The following UNC50 variants were observed in gnomAD, a reference collection of about 807,000 sequenced individuals.
UNC50 encodes unc-50 inner nuclear membrane RNA binding protein.
In UNC50, 24 loss-of-function variants were observed where a neutral mutation model predicts 31.5. The ratio of observed to expected loss-of-function variants is 0.76; its 90% CI spans 0.55 to 1.07. The LOEUF is 1.07. UNC50 is among the 50% of genes least tolerant of loss of function. The pLI, the probability that UNC50 is intolerant of heterozygous loss-of-function variation, is 0.00. For synonymous variants in UNC50, 118 were observed against 114.7 expected (o/e 1.03, Z -0.18); for missense variants, 245 against 304.2 (o/e 0.81, Z 1.45).
intron 1 of UNC50, chr2:98,609,080 G>C (rs1319056343): frequency 1.3e-5 from 2 of 155,216 alleles, no homozygotes; most frequent in Non-Finnish European, 2.9e-5. Flanking sequence ...GGGAGCAGCT[G>C]GGCTCGGCCA....
intron 1 of UNC50, chr2:98,609,381 GC>G: frequency 3.2e-6 from 1 of 308,306 alleles, no homozygotes; most frequent in East Asian, 7.2e-5. Context: ...GCTTTCTTAG[GC>G]ATTTTCTTAA....
rs531466584 is a variant in UNC50, at chr2:98,608,951, C to A, written c.-5+225C>A. On this transcript the variant is annotated intron_variant, in intron 1 of 5. Transcript: ENST00000357765. ...TAGTATAAGCATGTCCGAAATGTTG[C>A]GTGGGATGTAGGCATACTAAAACCT... is the stretch of plus-strand genomic sequence containing the variant. 5.4e-4 allele frequency: 104 copies of A among 192,160 alleles called. 2 individuals are homozygous for A. The highest frequency in any genetic ancestry group is 2.5e-4 in the South Asian group (3 of 12,036). 11.9% of individuals were successfully genotyped at this position (192,160 alleles called of 1,614,324 possible).
chr2:98,610,663 T>G (rs17034269), intron 2 of UNC50, 112 bp from the exon 3 acceptor site: 2 of 1,377,582 alleles, frequency 1.5e-6, no homozygotes, highest in Non-Finnish European at 2.0e-6. Context: ...GGGAGTTTTG[T>G]TTAAAGACCT....
chr2:98,617,875 A>G (rs910055312), intron 5 of UNC50, among the ~76,000 whole-genome samples: 14 of 152,150 alleles, frequency 9.2e-5, no homozygotes, highest in African/African-American at 3.4e-4. Flanking sequence ...TATTTGTGAC[A>G]TTTCTCCCTC....
At chr2:98,613,433 G>T (rs1451252988) in intron 3 of UNC50, among the ~76,000 whole-genome samples, 1 of 152,208 alleles carries the variant, frequency 6.6e-6, no homozygotes, top group Non-Finnish European at 1.5e-5. Flanking sequence ...TCACAGTTCT[G>T]CATTGCTAGG....
rs1336436643 is a variant in UNC50 at position 98,611,968 on chromosome 2, G to GCCC, written c.401+1079_401+1081dup. 4.0e-5 allele frequency among the ~76,000 whole-genome samples: 4 copies of GCCC among 100,112 alleles called. No homozygotes were observed. In the East Asian group the frequency reaches 1.1e-3, roughly 28 times the overall value. The allele number at this position is 100,112 out of a possible 152,430, so 65.7% of individuals were successfully genotyped here. A position where few individuals can be genotyped will look rare whatever the true frequency, so the allele number is the denominator to read the frequency against. ...TTTCTCTCATACACACACACCCTCC[G>GCCC]CCCCCCCCGCCCCCCCACCGCCACA... On this transcript the variant is annotated intron_variant, in intron 3 of 5. Transcript: ENST00000357765.
At chr2:98,612,213 G>A (rs961365588) in intron 3 of UNC50, among the ~76,000 whole-genome samples, 3 of 152,122 alleles carry the variant, frequency 2.0e-5, no homozygotes, top group African/African-American at 7.2e-5. Context: ...GAGAGACCTG[G>A]GTTCAAATGC....
Position 98,618,351 on chromosome 2 carries a change from A to T in UNC50, c.*47A>T. The T allele has an allele frequency of 6.6e-7, 1 of 1,505,126 alleles. No homozygotes were observed. The highest frequency in any genetic ancestry group is 1.4e-5 in the South Asian group (1 of 73,894). 93.2% of individuals were successfully genotyped at this position (1,505,126 alleles called of 1,614,324 possible). A position where few individuals can be genotyped will look rare whatever the true frequency, so the allele number is the denominator to read the frequency against. ...CGTAACTGTGTCAACAGTATTGTGA[A>T]GTGATCATTTCTTGTAAAACTTGTA... is the stretch of plus-strand genomic sequence containing the variant. On this transcript the variant is annotated 3_prime_UTR_variant, in exon 6 of 6. Transcript: ENST00000357765.
At chr2:98,615,391 C>G (rs1252822493) in intron 3 of UNC50, among the ~76,000 whole-genome samples, 1 of 152,148 alleles carries the variant, frequency 6.6e-6, no homozygotes, top group African/African-American at 2.4e-5. Context: ...TTCAAACTTC[C>G]GCACACTCCT....
chr2:98,618,231 A>G lies in UNC50; in HGVS notation c.707A>G (p.Tyr236Cys), dbSNP rs1700969847. ...LYPFAPLILL[Y>C]GLSLALGWNF... is the part of the protein sequence containing the mutation. ...CCATTTGCACCTCTGATTCTGCTCT[A>G]CGGGCTTTCCCTGGCACTGGGATGG... Residue 236 changes from tyrosine to cysteine, a missense_variant, in exon 6 of 6, where the codon TAC (tyrosine) becomes TGC (cysteine). By Grantham distance (194) the Tyr-to-Cys change is radical. Transcript: ENST00000357765. 1.2e-6 allele frequency: 2 copies of G among 1,612,118 alleles called. No homozygotes were observed. Among genetic ancestry groups the G allele is most frequent in the Non-Finnish European group, 1.7e-6 (2 of 1,179,388 alleles).
chr2:98,616,219 C>G lies in UNC50; in HGVS notation c.414C>G (p.Asn138Lys), dbSNP rs751838317. The part of the protein sequence containing the change: ...LIATLMWFIS[N>K]KYLVKRQSRD... ...ATTTTGCTCTTAGGTTCATCTCTAACAAGTATTTAGTGAAACGACAGAGCA... is the reference window on the plus strand; with the variant it reads ...ATTTTGCTCTTAGGTTCATCTCTAAGAAGTATTTAGTGAAACGACAGAGCA... The change falls in exon 4 of 6, where the codon AAC becomes AAG. Residue 138 changes from asparagine (N) to lysine (K), a missense_variant. By Grantham distance (94) the Asn-to-Lys change is moderately conservative. Transcript: ENST00000357765. The G allele has an allele frequency of 6.2e-6, 10 of 1,610,614 alleles. No individual in the cohort carries two copies. The highest frequency in any genetic ancestry group is 1.7e-5 in the Admixed American group (1 of 59,178).
chr2:98,615,774 G>T (rs1304164723), intron 3 of UNC50, among the ~76,000 whole-genome samples: 1 of 152,192 alleles, frequency 6.6e-6, no homozygotes, highest in Non-Finnish European at 1.5e-5. Flanking sequence ...GCCAAAGATT[G>T]TAAAACGGCC....
intron 3 of UNC50, among the ~76,000 whole-genome samples, chr2:98,611,598 G>A (rs746263898): frequency 9.2e-5 from 14 of 152,226 alleles, no homozygotes; most frequent in Non-Finnish European, 1.3e-4. Flanking sequence ...AATAAAATAG[G>A]AGGCAAGTTT....
chr2:98,616,169 T>C, intron 3 of UNC50, 38 bp from the exon 4 acceptor site: 1 of 1,588,916 alleles, frequency 6.3e-7, no homozygotes, highest in Non-Finnish European at 8.6e-7. Context: ...TTTACAGAAT[T>C]CATTTTATTA....
chr2:98,608,710 C>G lies in UNC50; in HGVS notation c.-21C>G, dbSNP rs1056598547. The G allele has an allele frequency of 1.4e-4, 65 of 450,670 alleles. 3 individuals carry two copies. Among genetic ancestry groups the G allele is most frequent in the Non-Finnish European group, 8.2e-6 (2 of 245,076 alleles). 27.9% of individuals were successfully genotyped at this position (450,670 alleles called of 1,614,324 possible). ...GGGCTGGTTCGGACGTGGGTCGAGG[C>G]TGTAGCAGGACTCCAGGTGAGGCCT... On this transcript the variant is annotated 5_prime_UTR_variant, in exon 1 of 6. Transcript: ENST00000357765.
intron 1 of UNC50, 159 bp from the exon 2 acceptor site, chr2:98,609,597 C>G (rs1700786197): frequency 8.6e-7 from 1 of 1,157,466 alleles, no homozygotes; most frequent in African/African-American, 1.5e-5. Context: ...CCAAGACCCG[C>G]CTCAGAACTA....
At chr2:98,614,550 A>G (rs187968971) in intron 3 of UNC50, among the ~76,000 whole-genome samples, 2 of 152,284 alleles carry the variant, frequency 1.3e-5, no homozygotes, top group East Asian at 1.9e-4. Context: ...TGGCGTTAAT[A>G]TGGAGCTGGG....
rs140629375 is a variant in UNC50, at chr2:98,611,188, A to G, written c.401+293A>G. Among the ~76,000 whole-genome samples the G allele has an allele frequency of 1.1e-3, 171 of 152,356 alleles. 1 individual carries two copies. Among genetic ancestry groups the G allele is most frequent in the African/African-American group, 4.0e-3 (165 of 41,586 alleles). ...TTAGAAAGTTTAGTTTGCCAAAGTT[A>G]AGGACATGCCTGTGACACAGCCTTA... On this transcript the variant is annotated intron_variant, in intron 3 of 5. Transcript: ENST00000357765.
At chr2:98,618,123 AT>A (rs57212171) in intron 5 of UNC50, 44 bp from the exon 6 acceptor site, 39,524 of 1,208,920 alleles carry the variant, frequency 0.033, 55 homozygotes, top group East Asian at 0.067. Context: ...TTAGTCATTT[AT>A]TTTTTTTTTT....
Sources: gnomAD v4.1 joint callset for allele counts (sites outside exome capture counted in the v4.1 genomes callset) on GRCh38, gnomAD v4.1.1 for gene constraint, MANE v1.5 for transcripts, NCBI Gene and HGNC (gene_info 2026-07-23, HGNC 2026-07-21) for gene names.